Variants in LHFPL2 observed in about 807,000 individuals in gnomAD.
LHFPL2 encodes the protein LHFPL tetraspan subfamily member 2.
Under a neutral mutation model 17.5 loss-of-function variants are expected in LHFPL2, and 7 were observed. That is an observed-to-expected ratio of 0.40 (90% CI 0.23 to 0.75). The LOEUF (loss-of-function observed/expected upper bound fraction) is 0.75, where lower values mean the gene tolerates loss of function less well. LHFPL2 is among the 30% of genes least tolerant of loss of function. The pLI is 0.37. For missense variants in LHFPL2, 241 were observed against 294.8 expected, an observed-to-expected ratio of 0.82 and a Z score of 1.34; for synonymous variants, 134 against 116.2, an observed-to-expected ratio of 1.15 and a Z score of -0.99.
chr5:78,583,596 T>A (rs543317337), intron 2 of LHFPL2, among the ~76,000 whole-genome samples: 2 of 151,812 alleles, frequency 1.3e-5, no homozygotes, highest in South Asian at 4.2e-4. Flanking sequence ...TCTTTAAGAA[T>A]GTTGAATATT....
intron 2 of LHFPL2, among the ~76,000 whole-genome samples, chr5:78,584,900 G>A (rs1743310213): frequency 6.7e-6 from 1 of 150,130 alleles, no homozygotes; most frequent in African/African-American, 2.4e-5. Flanking sequence ...CCGCCTTGCA[G>A]TTTGATCTCT....
intron 4 of LHFPL2, among the ~76,000 whole-genome samples, chr5:78,503,205 C>A (rs1212193342): frequency 6.6e-6 from 1 of 152,202 alleles, no homozygotes; most frequent in Non-Finnish European, 1.5e-5. Context: ...TGTAAATATT[C>A]AGGGCCATGC....
intron 2 of LHFPL2, among the ~76,000 whole-genome samples, chr5:78,618,910 C>T (rs529227495): frequency 2.0e-5 from 3 of 152,208 alleles, no homozygotes; most frequent in African/African-American, 7.2e-5. Context: ...CAAAACCAGA[C>T]GGGACACAGC....
intron 2 of LHFPL2, among the ~76,000 whole-genome samples, chr5:78,610,745 T>G (rs896975591): frequency 1.3e-5 from 2 of 152,112 alleles, no homozygotes; most frequent in African/African-American, 4.8e-5. Flanking sequence ...TGCTGTCCCC[T>G]CTCCCTCCCA....
intron 3 of LHFPL2, among the ~76,000 whole-genome samples, chr5:78,520,566 G>A (rs1041506509): frequency 6.6e-6 from 1 of 152,212 alleles, no homozygotes; most frequent in African/African-American, 2.4e-5. Context: ...TGGTTGGAAG[G>A]GAGACGGGGA....
At chr5:78,576,243 C>T (rs1757132407) in intron 2 of LHFPL2, among the ~76,000 whole-genome samples, 1 of 150,770 alleles carries the variant, frequency 6.6e-6, no homozygotes, top group South Asian at 2.1e-4. Flanking sequence ...TGCAGTGAGC[C>T]GAGATCGCGC....
At chr5:78,633,138 G>T (rs1745313900) in intron 1 of LHFPL2, among the ~76,000 whole-genome samples, 1 of 152,182 alleles carries the variant, frequency 6.6e-6, no homozygotes, top group Non-Finnish European at 1.5e-5. Flanking sequence ...CCAGAGAGGA[G>T]AATAAACTGG....
intron 3 of LHFPL2, among the ~76,000 whole-genome samples, chr5:78,531,001 C>G (rs1024889515): frequency 3.9e-5 from 6 of 152,200 alleles, no homozygotes; most frequent in African/African-American, 1.4e-4. Flanking sequence ...TTAACAGAAC[C>G]TATGGCCAGG....
intron 1 of LHFPL2, chr5:78,644,949 G>C (rs1745812711): frequency 6.5e-6 from 1 of 152,812 alleles, no homozygotes; most frequent in Non-Finnish European, 1.5e-5. Context: ...ACTGCAAGCT[G>C]TTTGTTTTCA....
chr5:78,549,691 G>A (rs1756385001), intron 3 of LHFPL2, among the ~76,000 whole-genome samples: 1 of 152,218 alleles, frequency 6.6e-6, no homozygotes, highest in Non-Finnish European at 1.5e-5. Flanking sequence ...CCTGTAACAC[G>A]ATTTTGGAAA....
At chr5:78,570,548 A>G (rs1205669904) in intron 2 of LHFPL2, among the ~76,000 whole-genome samples, 1 of 151,746 alleles carries the variant, frequency 6.6e-6, no homozygotes, top group Non-Finnish European at 1.5e-5. Context: ...AAATGTGTAT[A>G]GGCAATTCTG....
chr5:78,525,554 T>C (rs772865471), intron 3 of LHFPL2, among the ~76,000 whole-genome samples: 1 of 152,192 alleles, frequency 6.6e-6, no homozygotes, highest in Non-Finnish European at 1.5e-5. Context: ...AAGGCTAGTG[T>C]GTTAGAAACA....
chr5:78,607,328 G>A (rs1174475979), intron 2 of LHFPL2, among the ~76,000 whole-genome samples: 1 of 151,894 alleles, frequency 6.6e-6, no homozygotes, highest in Non-Finnish European at 1.5e-5. Flanking sequence ...GGCCAGGCTG[G>A]TCTTGAACTC....
intron 2 of LHFPL2, among the ~76,000 whole-genome samples, chr5:78,590,564 C>T (rs1464988378): frequency 2.0e-5 from 3 of 152,136 alleles, no homozygotes; most frequent in African/African-American, 4.8e-5. Context: ...ATCACAGAGG[C>T]ATACAATTCT....
chr5:78,575,202 G>T lies in LHFPL2; in HGVS notation c.-244-10331C>A, dbSNP rs147906127. ...TTTCCTATATTAGGGTTAAACACAA[G>T]ATTTCATTTGAAAGAAAGGGTTTTG... is the stretch of plus-strand genomic sequence containing the variant. On this transcript the variant is annotated intron_variant, in intron 2 of 4. Transcript: ENST00000380345. Among the ~76,000 whole-genome samples, 780 of 152,218 alleles carry T rather than the reference G, an allele frequency of 5.1e-3. 7 individuals are homozygous for T. The highest frequency in any genetic ancestry group is 0.018 in the African/African-American group (751 of 41,526).
intron 2 of LHFPL2, among the ~76,000 whole-genome samples, chr5:78,630,231 C>T (rs1036598162): frequency 2.0e-5 from 3 of 152,150 alleles, no homozygotes; most frequent in African/African-American, 4.8e-5. Context: ...CCTAGAAGCT[C>T]GGTAAACTGC....
intron 4 of LHFPL2, among the ~76,000 whole-genome samples, chr5:78,493,873 G>A (rs367558906): frequency 3.3e-5 from 5 of 152,298 alleles, no homozygotes; most frequent in South Asian, 2.1e-4. Context: ...TAACAGATAC[G>A]AAGTTTGCTG....
chr5:78,620,761 G>A (rs1309203002), intron 2 of LHFPL2, among the ~76,000 whole-genome samples: 1 of 152,190 alleles, frequency 6.6e-6, no homozygotes, highest in African/African-American at 2.4e-5. Flanking sequence ...CACCGAGGCT[G>A]AGAAACCCTG....
chr5:78,614,576 T>G (rs1744535591), intron 2 of LHFPL2, among the ~76,000 whole-genome samples: 1 of 152,238 alleles, frequency 6.6e-6, no homozygotes, highest in Non-Finnish European at 1.5e-5. Flanking sequence ...ATTTTATTGT[T>G]AAGTCTTTAG....
Sources: gnomAD v4.1 joint callset for allele counts (sites outside exome capture counted in the v4.1 genomes callset) on GRCh38, gnomAD v4.1.1 for gene constraint, MANE v1.5 for transcripts, NCBI Gene and HGNC (gene_info 2026-07-23, HGNC 2026-07-21) for gene names.